Variants in PIK3C3 observed in about 807,000 individuals in gnomAD.
The protein encoded by PIK3C3 is PI3-kinase type 3.
In PIK3C3, 95 loss-of-function variants were observed where a neutral mutation model predicts 126.1. The observed-to-expected ratio is 0.75, with a 90% CI of 0.64 to 0.89. The LOEUF (loss-of-function observed/expected upper bound fraction) is 0.89. Ranked by LOEUF, PIK3C3 falls within the 40% of genes least tolerant of loss-of-function variation. The pLI, the probability that PIK3C3 is intolerant of heterozygous loss-of-function variation, is 0.00. For missense variants in PIK3C3, 829 were observed against 1,063.2 expected, an observed-to-expected ratio of 0.78 and a Z score of 3.06; for synonymous variants, 374 against 360.0, an observed-to-expected ratio of 1.04 and a Z score of -0.44.
In PIK3C3 at chr18:41,959,319, C is replaced by T. The variant is rs141964149; in HGVS notation, c.257+1561C>T. Among the ~76,000 whole-genome samples the T allele has an allele frequency of 3.2e-3, 490 of 152,282 alleles. 1 individual carries two copies. Among genetic ancestry groups the T allele is most frequent in the African/African-American group, 0.011 (463 of 41,560 alleles). On this transcript the variant is annotated intron_variant, in intron 2 of 24. Coordinates refer to ENST00000262039, the MANE Select transcript of PIK3C3 (RefSeq NM_002647.4). ...GGTTTTCTCCTCCTCCTCCCATTTG[C>T]CAACTCTTCTCTGCATTAGTTTTTA...
intron 24 of PIK3C3, among the ~76,000 whole-genome samples, chr18:42,072,122 A>C (rs1487981462): frequency 2.0e-5 from 3 of 152,250 alleles, no homozygotes; most frequent in African/African-American, 7.2e-5. Flanking sequence ...ATTCAAATTC[A>C]GATGACTGGC....
intron 24 of PIK3C3, among the ~76,000 whole-genome samples, chr18:42,077,448 G>T (rs1684415611): frequency 6.6e-6 from 1 of 152,088 alleles, no homozygotes; most frequent in African/African-American, 2.4e-5. Flanking sequence ...CTAAATTTAT[G>T]GAATATTCTA....
chr18:42,041,191 CAAAA>C (rs967969717), intron 19 of PIK3C3, among the ~76,000 whole-genome samples: 7 of 150,934 alleles, frequency 4.6e-5, no homozygotes, highest in South Asian at 2.1e-4. Flanking sequence ...CAAAAAAAAA[CAAAA>C]AAAACCCCAA....
intron 4 of PIK3C3, among the ~76,000 whole-genome samples, chr18:41,979,064 TAAAAAAAA>T (rs5824388): frequency 1.1e-5 from 1 of 93,768 alleles, no homozygotes; most frequent in Non-Finnish European, 2.0e-5. Flanking sequence ...CCCCGTCTCT[TAAAAAAAA>T]AAAAAAAAAA....
At position 42,033,937 on chromosome 18, in the gene PIK3C3, G is replaced by T; in HGVS notation, c.1819G>T (p.Glu607Ter). The T allele has an allele frequency of 6.2e-7, 1 of 1,606,876 alleles. No individual in the cohort carries two copies. The highest frequency in any genetic ancestry group is 1.1e-5 in the South Asian group (1 of 89,906). ...PQVKIRGIIPETATLFKSALM... is the reference protein window; with the variant it reads ...PQVKIRGIIP ...AGTGAAAATTAGAGGAATAATTCCG[G>T]AAACAGCTACACTGTTTAAAGTAAT... Residue 607 changes from glutamate (E) to a stop codon, truncating the protein, a stop_gained, in exon 16 of 25, where the codon GAA becomes TAA. Transcript: ENST00000262039. LOFTEE classifies it high-confidence loss of function.
chr18:41,982,339 A>G (rs1981248066), intron 4 of PIK3C3, among the ~76,000 whole-genome samples: 1 of 152,226 alleles, frequency 6.6e-6, no homozygotes, highest in East Asian at 1.9e-4. Context: ...AAATGGTAAC[A>G]TCTTCTAATT....
At chr18:41,995,318 A>G (rs932249173) in intron 7 of PIK3C3, among the ~76,000 whole-genome samples, 1 of 152,166 alleles carries the variant, frequency 6.6e-6, no homozygotes, top group Non-Finnish European at 1.5e-5. Context: ...AATATGACAT[A>G]GACAATTCAC....
At chr18:42,066,642 A>G (rs1039602737) in intron 23 of PIK3C3, among the ~76,000 whole-genome samples, 3 of 152,182 alleles carry the variant, frequency 2.0e-5, no homozygotes, top group Non-Finnish European at 2.9e-5. Flanking sequence ...TGTTGCATGT[A>G]TAATATTTGG....
intron 10 of PIK3C3, among the ~76,000 whole-genome samples, chr18:42,006,925 G>A (rs978899933): frequency 1.4e-5 from 2 of 147,062 alleles, no homozygotes; most frequent in Non-Finnish European, 3.0e-5. Flanking sequence ...ATGCAGTGGC[G>A]TGATCTCAGC....
intron 1 of PIK3C3, among the ~76,000 whole-genome samples, chr18:41,957,230 C>T (rs1979825815): frequency 6.6e-6 from 1 of 151,980 alleles, no homozygotes; most frequent in Non-Finnish European, 1.5e-5. Context: ...GAAAATGAAA[C>T]CAAGGCCTAG....
chr18:42,058,019 A>C lies in PIK3C3; in HGVS notation c.2400A>C (p.Lys800Asn). ...TQSEQYQEFR[K>N]QCYTAFLHLR... Reference sequence around the variant, plus strand: ...GTGAGCAGTACCAAGAGTTCCGTAAACAGTGTTACACGGCTTTCCTCCACC... The same window carrying C: ...GTGAGCAGTACCAAGAGTTCCGTAACCAGTGTTACACGGCTTTCCTCCACC... Residue 800 changes from lysine (K) to asparagine (N), a missense_variant, in exon 22 of 25, where the codon AAA becomes AAC. Lys to Asn is a moderately conservative substitution (Grantham distance 94, BLOSUM62 0). Transcript: ENST00000262039. 8.1e-6 allele frequency: 13 copies of C among 1,603,642 alleles called. No individual in the cohort carries two copies. Among genetic ancestry groups the C allele is most frequent in the Non-Finnish European group, 1.1e-5 (13 of 1,175,788 alleles).
rs1299682480 is a variant in PIK3C3, at chr18:42,040,747, G to A, written c.2103+6G>A. On this transcript the variant is annotated splice_donor_region_variant and intron_variant, in intron 19 of 24. Transcript: ENST00000262039. ...ATACAGAGGGAAGCATTCAGGTATG[G>A]TATCAATAAAGATTATGCAATTCAT... The A allele has an allele frequency of 1.3e-6, 2 of 1,572,700 alleles. No individual in the cohort carries two copies. The highest frequency in any genetic ancestry group is 1.7e-6 in the Non-Finnish European group (2 of 1,144,670).
chr18:41,997,633 G>A (rs1365262080), intron 9 of PIK3C3, among the ~76,000 whole-genome samples: 2 of 151,996 alleles, frequency 1.3e-5, no homozygotes, highest in Non-Finnish European at 2.9e-5. Context: ...AATAATAATA[G>A]CTAGCATTTT....
chr18:42,082,561 A>T lies in PIK3C3; in HGVS notation c.*1424A>T, dbSNP rs746313805. The T allele has an allele frequency of 1.9e-4, 29 of 152,100 alleles. No individual in the cohort carries two copies. The highest frequency in any genetic ancestry group is 3.8e-4 in the Non-Finnish European group (26 of 68,004). The allele number at this position is 152,100 out of a possible 1,614,324, so 9.4% of individuals were successfully genotyped here. The stretch of plus-strand genomic sequence containing the variant: ...TTCTTTTTCTTTTCTTCACATGTTT[A>T]TGTCTTTTTTGTTATTAGTCAGACA... On this transcript the variant is annotated 3_prime_UTR_variant, in exon 25 of 25. Coordinates refer to ENST00000262039, the MANE Select transcript of PIK3C3 (RefSeq NM_002647.4).
intron 12 of PIK3C3, 108 bp downstream of exon 12, chr18:42,015,674 T>G (rs1983042203): frequency 4.0e-6 from 3 of 755,752 alleles, no homozygotes; most frequent in Non-Finnish European, 6.7e-6. Flanking sequence ...ATATTACAAC[T>G]TTATTAAATA....
chr18:41,999,632 A>G (rs1982188572), intron 9 of PIK3C3, among the ~76,000 whole-genome samples: 1 of 152,212 alleles, frequency 6.6e-6, no homozygotes, highest in African/African-American at 2.4e-5. Flanking sequence ...TATTCATATA[A>G]ATTAAAATTG....
Position 42,004,402 on chromosome 18 carries a change from AGGCCAAACAGGCC to A in PIK3C3, c.1032_1044del (p.Glu344AspfsTer13). ...TGTGTTAATTGGGATCTACCTCAAG[AGGCCAAACAGGCC>A]TTGGAACTTCTGGGAAAATGGAAGC... On this transcript the variant is annotated frameshift_variant, in exon 10 of 25. Transcript: ENST00000262039. LOFTEE classifies it high-confidence loss of function. 6.2e-7 allele frequency: 1 copy of A among 1,613,446 alleles called. No homozygotes were observed. The highest frequency in any genetic ancestry group is 1.7e-4 in the Middle Eastern group (1 of 6,058).
intron 24 of PIK3C3, among the ~76,000 whole-genome samples, chr18:42,079,699 C>T (rs550345677): frequency 1.1e-4 from 16 of 152,224 alleles, no homozygotes; most frequent in East Asian, 1.9e-4. Context: ...CATACATAGA[C>T]GCATACACGT....
At chr18:41,974,982 T>G (rs1373576066) in intron 4 of PIK3C3, among the ~76,000 whole-genome samples, 1 of 152,172 alleles carries the variant, frequency 6.6e-6, no homozygotes, top group Non-Finnish European at 1.5e-5. Flanking sequence ...TCAGTTTGAT[T>G]AAGAGGAGGC....
Sources: gnomAD v4.1 joint callset for allele counts (sites outside exome capture counted in the v4.1 genomes callset) on GRCh38, gnomAD v4.1.1 for gene constraint, MANE v1.5 for transcripts, NCBI Gene and HGNC (gene_info 2026-07-23, HGNC 2026-07-21) for gene names.